The following RASGRF1 variants were observed in gnomAD, a reference collection of about 807,000 sequenced individuals.
RASGRF1 encodes Ras protein specific guanine nucleotide releasing factor 1.
In RASGRF1, 40 loss-of-function variants were observed where a neutral mutation model predicts 138.7. The ratio of observed to expected loss-of-function variants is 0.29; its 90% CI spans 0.22 to 0.38. The LOEUF is 0.38. Among genes scored for constraint, RASGRF1 ranks in the 10% least tolerant of loss-of-function variants. RASGRF1 has a pLI of 1.00. For missense variants in RASGRF1, 1,108 were observed against 1,650.4 expected (o/e 0.67, Z 5.69); for synonymous variants, 614 against 663.2 (o/e 0.93, Z 1.14).
chr15:78,969,269 C>G (rs755281374), intron 26 of RASGRF1, among the ~76,000 whole-genome samples: 1 of 152,174 alleles, frequency 6.6e-6, no homozygotes, highest in East Asian at 1.9e-4. Flanking sequence ...GCAGTTGTCT[C>G]GCAGAATGTC....
At chr15:79,081,473 C>A (rs74484062) in intron 1 of RASGRF1, among the ~76,000 whole-genome samples, 1 of 152,214 alleles carries the variant, frequency 6.6e-6, no homozygotes, top group Non-Finnish European at 1.5e-5. Flanking sequence ...CCCTTTCCCA[C>A]TCAGAGCCCT....
chr15:79,075,508 C>A (rs765507672), intron 1 of RASGRF1, among the ~76,000 whole-genome samples: 1 of 152,188 alleles, frequency 6.6e-6, no homozygotes, highest in Non-Finnish European at 1.5e-5. Flanking sequence ...TCTACTTCCC[C>A]TCTGGAAGCT....
intron 1 of RASGRF1, among the ~76,000 whole-genome samples, chr15:79,068,813 G>A (rs1351729960): frequency 1.3e-5 from 2 of 152,056 alleles, no homozygotes; most frequent in African/African-American, 2.4e-5. Context: ...TGAGGGTCAG[G>A]TGTGTGGCCT....
chr15:79,081,912 T>C (rs1321925362), intron 1 of RASGRF1, among the ~76,000 whole-genome samples: 1 of 152,178 alleles, frequency 6.6e-6, no homozygotes, highest in African/African-American at 2.4e-5. Context: ...GGAAGCCTAG[T>C]GGCCAAAATG....
chr15:79,037,533 A>G (rs1333752354), intron 5 of RASGRF1, among the ~76,000 whole-genome samples: 2 of 151,842 alleles, frequency 1.3e-5, no homozygotes, highest in African/African-American at 4.8e-5. Flanking sequence ...ATCTCGGCTC[A>G]CTGCAATCTC....
Position 79,025,480 on chromosome 15 carries a change from G to T in RASGRF1, c.1382-6C>A. The T allele has an allele frequency of 6.2e-7, 1 of 1,610,996 alleles. No individual in the cohort carries two copies. The highest frequency in any genetic ancestry group is 1.7e-4 in the Middle Eastern group (1 of 5,742). On this transcript the variant is annotated splice_polypyrimidine_tract_variant and splice_region_variant and intron_variant, in intron 9 of 26. Coordinates refer to ENST00000558480, the MANE Select transcript of RASGRF1 (RefSeq NM_001145648.3). ...GGGCACCTGAATGAGGGAACCTGTGGGTGGAGGAGAGAGACCCTGAGCCCA... is the reference window on the plus strand; with the variant it reads ...GGGCACCTGAATGAGGGAACCTGTGTGTGGAGGAGAGAGACCCTGAGCCCA...
intron 10 of RASGRF1, among the ~76,000 whole-genome samples, chr15:79,022,172 G>C (rs1249586772): frequency 2.0e-5 from 3 of 152,212 alleles, no homozygotes; most frequent in African/African-American, 7.2e-5. Context: ...GGGTGCGGTG[G>C]CTCACGCCTG....
At chr15:79,011,844 A>C (rs1377845312) in intron 13 of RASGRF1, among the ~76,000 whole-genome samples, 1 of 151,998 alleles carries the variant, frequency 6.6e-6, no homozygotes, top group Non-Finnish European at 1.5e-5. Context: ...GTGTCTTGCT[A>C]TGTGTTTGTA....
At chr15:79,028,813 A>G (rs1050382048) in intron 8 of RASGRF1, among the ~76,000 whole-genome samples, 1 of 152,202 alleles carries the variant, frequency 6.6e-6, no homozygotes, top group Non-Finnish European at 1.5e-5. Context: ...GCGGCTTACA[A>G]ACTTCTCTCA....
chr15:79,076,651 G>C lies in RASGRF1; in HGVS notation c.277-12125C>G, dbSNP rs550186193. ...GAGAAAGTGGCAAGAGGTGGTGATGGAATCAAGTGGTGGGGGCAAGGCTAG... is the reference window on the plus strand; with the variant it reads ...GAGAAAGTGGCAAGAGGTGGTGATGCAATCAAGTGGTGGGGGCAAGGCTAG... On this transcript the variant is annotated intron_variant, in intron 1 of 26. Coordinates refer to ENST00000558480, the MANE Select transcript of RASGRF1 (RefSeq NM_001145648.3). Among the ~76,000 whole-genome samples the C allele has an allele frequency of 5.3e-5, 8 of 152,318 alleles. No homozygotes were observed. The East Asian group carries it at 9.6e-4, about 18-fold the overall frequency.
intron 4 of RASGRF1, among the ~76,000 whole-genome samples, chr15:79,048,239 G>A (rs2057381111): frequency 1.3e-5 from 2 of 152,130 alleles, no homozygotes; most frequent in African/African-American, 2.4e-5. Context: ...GCAGTTCCTA[G>A]AGGTGCGTGA....
rs1567598878 is a variant in RASGRF1, at chr15:79,061,413, A to ATATATATATATATATATATAT, written c.384-2933_384-2932insATATATATATATATATATATA. 2.5e-3 allele frequency among the ~76,000 whole-genome samples: 290 copies of ATATATATATATATATATATAT among 117,008 alleles called. 8 individuals are homozygous for ATATATATATATATATATATAT. The highest frequency in any genetic ancestry group is 8.8e-3 in the East Asian group (34 of 3,868). 76.8% of individuals were successfully genotyped at this position (117,008 alleles called of 152,430 possible). On this transcript the variant is annotated intron_variant, in intron 2 of 26. Coordinates refer to ENST00000558480, the MANE Select transcript of RASGRF1 (RefSeq NM_001145648.3). The stretch of plus-strand genomic sequence containing the variant: ...TAGAAAATTAGAACACTATCTTTAA[A>ATATATATATATATATATATAT]ATATATATATATATATATCATTCAT...
In RASGRF1 at chr15:78,998,616, C is replaced by T. The variant is rs2304996; in HGVS notation, c.2853+103G>A. ...CTCCCTTCTGCTGCCCCACTGCCAG[C>T]CATCAGCTCACTCTGCCCGCAGCTG... On this transcript the variant is annotated intron_variant, in intron 18 of 26. Transcript: ENST00000558480. 161 of 957,366 alleles carry T rather than the reference C, an allele frequency of 1.7e-4. No individual in the cohort carries two copies. In the East Asian group the frequency reaches 3.9e-3, roughly 23 times the overall value. 59.3% of individuals were successfully genotyped at this position (957,366 alleles called of 1,614,324 possible).
Position 79,049,592 on chromosome 15 carries a change from C to T in RASGRF1, c.532-4G>A. The T allele has an allele frequency of 6.2e-7, 1 of 1,611,426 alleles. No individual in the cohort carries two copies. The highest frequency in any genetic ancestry group is 1.3e-5 in the African/African-American group (1 of 74,940). ...TGTCCTTGAGCAGGGATGTGATCTG[C>T]AACAGCAACACAGGTCAGCCTGTGA... On this transcript the variant is annotated splice_polypyrimidine_tract_variant and splice_region_variant and intron_variant, in intron 3 of 26. Coordinates refer to ENST00000558480, the MANE Select transcript of RASGRF1 (RefSeq NM_001145648.3).
chr15:79,053,141 T>C (rs1023250315), intron 3 of RASGRF1, among the ~76,000 whole-genome samples: 14 of 152,198 alleles, frequency 9.2e-5, no homozygotes, highest in Non-Finnish European at 1.8e-4. Context: ...GGCGCACACC[T>C]GTAATACCAG....
chr15:78,990,060 G>T (rs2056237018), intron 22 of RASGRF1, 129 bp downstream of exon 22: 7 of 780,456 alleles, frequency 9.0e-6, no homozygotes, highest in Admixed American at 2.0e-5. Context: ...ACATGGCAAG[G>T]GGTGGCAGGG....
At position 78,973,761 on chromosome 15, in the gene RASGRF1, C is replaced by T. The variant is rs528513575; in HGVS notation, c.3495-341G>A. ...CAGTCCCTGGGCTCTGTCACCAGCC[C>T]CTCTGGACTCACCTTTCCTATCTCT... On this transcript the variant is annotated intron_variant, in intron 24 of 26. Coordinates refer to ENST00000558480, the MANE Select transcript of RASGRF1 (RefSeq NM_001145648.3). The surrounding 1 kb of genome is among the most constrained non-coding windows in gnomAD (Gnocchi z 4.9). Among the ~76,000 whole-genome samples, 47 of 152,240 alleles carry T rather than the reference C, an allele frequency of 3.1e-4. No individual in the cohort carries two copies. The South Asian group carries it at 9.5e-3, about 31-fold the overall frequency.
intron 5 of RASGRF1, among the ~76,000 whole-genome samples, chr15:79,044,437 G>A (rs970378170): frequency 5.9e-5 from 9 of 152,276 alleles, no homozygotes; most frequent in African/African-American, 2.2e-4. Flanking sequence ...TGATGGTGGG[G>A]TTTGCATGGC....
intron 5 of RASGRF1, among the ~76,000 whole-genome samples, chr15:79,039,026 T>C (rs1466208749): frequency 6.6e-6 from 1 of 152,094 alleles, no homozygotes; most frequent in Non-Finnish European, 1.5e-5. Context: ...TTTTCATAGT[T>C]ACCAAATTCT....
Sources: gnomAD v4.1 joint callset for allele counts (sites outside exome capture counted in the v4.1 genomes callset) on GRCh38, gnomAD v4.1.1 for gene constraint, Gnocchi (gnomAD v3.1) non-coding constraint, MANE v1.5 for transcripts, NCBI Gene and HGNC (gene_info 2026-07-23, HGNC 2026-07-21) for gene names.